Variants in RBFOX1 observed in about 807,000 individuals in gnomAD.
The protein encoded by RBFOX1 is RNA binding protein fox-1 homolog 1.
Under a neutral mutation model 57.7 loss-of-function variants are expected in RBFOX1, and 8 were observed. The observed-to-expected ratio is 0.14, with a 90% CI of 0.08 to 0.25. The LOEUF is 0.25. RBFOX1 is among the 10% of genes least tolerant of loss of function. The pLI, the probability that RBFOX1 is intolerant of heterozygous loss-of-function variation, is 1.00. For missense variants in RBFOX1, 611 were observed against 548.5 expected (o/e 1.11, Z -1.14); for synonymous variants, 326 against 222.4 (o/e 1.47, Z -4.15).
chr16:6,074,856 C>G (rs959565289), intron 1 of RBFOX1, among the ~76,000 whole-genome samples: 1 of 152,080 alleles, frequency 6.6e-6, no homozygotes, highest in South Asian at 2.1e-4. Context: ...ATTTCAGTGA[C>G]TCAGAAGGCT....
intron 3 of RBFOX1, among the ~76,000 whole-genome samples, chr16:5,861,811 T>C (rs1007753983): frequency 2.0e-5 from 3 of 152,226 alleles, no homozygotes; most frequent in African/African-American, 4.8e-5. Flanking sequence ...TGAACCCATC[T>C]TCTTAGACGC....
intron 1 of RBFOX1, among the ~76,000 whole-genome samples, chr16:5,358,768 G>A (rs1181145240): frequency 1.3e-5 from 2 of 152,278 alleles, no homozygotes; most frequent in East Asian, 1.9e-4. Context: ...CAAAGGTTGC[G>A]GTGAGCCGAG....
chr16:7,517,486 C>T (rs555882124), intron 4 of RBFOX1, among the ~76,000 whole-genome samples: 33 of 151,810 alleles, frequency 2.2e-4, no homozygotes, highest in African/African-American at 7.5e-4. Context: ...CCAAATTAGG[C>T]CCTGAATTTG....
intron 1 of RBFOX1, among the ~76,000 whole-genome samples, chr16:5,271,525 G>A (rs1180477854): frequency 6.6e-6 from 1 of 152,244 alleles, no homozygotes; most frequent in Non-Finnish European, 1.5e-5. Context: ...TCTGTCCTGA[G>A]ATGTAGAGGT....
At chr16:5,690,516 A>C (rs2050641620) in intron 3 of RBFOX1, among the ~76,000 whole-genome samples, 1 of 152,078 alleles carries the variant, frequency 6.6e-6, no homozygotes, top group South Asian at 2.1e-4. Context: ...GGCATGATGG[A>C]GGCACTCAGT....
chr16:6,945,720 G>A (rs188465824), intron 3 of RBFOX1, among the ~76,000 whole-genome samples: 4 of 152,194 alleles, frequency 2.6e-5, no homozygotes, highest in Non-Finnish European at 2.9e-5. Context: ...GTGAAAACCC[G>A]TCTCTACTAA....
chr16:5,662,077 C>T (rs1374678281), intron 3 of RBFOX1, among the ~76,000 whole-genome samples: 3 of 152,136 alleles, frequency 2.0e-5, no homozygotes, highest in Non-Finnish European at 4.4e-5. Flanking sequence ...TGAGCTACCG[C>T]GCCCGGCCAA....
chr16:5,841,728 A>G (rs1217489260), intron 3 of RBFOX1, among the ~76,000 whole-genome samples: 1 of 152,216 alleles, frequency 6.6e-6, no homozygotes, highest in Non-Finnish European at 1.5e-5. Context: ...GTAGAGGCCC[A>G]GTGCTCTGTC....
intron 4 of RBFOX1, among the ~76,000 whole-genome samples, chr16:7,191,563 A>G (rs561342529): frequency 5.9e-5 from 9 of 152,350 alleles, no homozygotes; most frequent in Non-Finnish European, 8.8e-5. Context: ...GTTATTTTAC[A>G]TATCATCTTC....
At chr16:7,540,438 A>T (rs531652484) in intron 5 of RBFOX1, among the ~76,000 whole-genome samples, 4 of 152,104 alleles carry the variant, frequency 2.6e-5, no homozygotes, top group African/African-American at 9.7e-5. Flanking sequence ...TAACACAACT[A>T]CTCTGTGTTA....
intron 2 of RBFOX1, among the ~76,000 whole-genome samples, chr16:6,625,445 C>A (rs1028639557): frequency 6.6e-6 from 1 of 152,112 alleles, no homozygotes; most frequent in Non-Finnish European, 1.5e-5. Flanking sequence ...GTAGCTAAAT[C>A]CTCAGTTGTG....
intron 1 of RBFOX1, among the ~76,000 whole-genome samples, chr16:6,079,633 A>G (rs182987646): frequency 3.2e-4 from 49 of 151,216 alleles, no homozygotes; most frequent in Middle Eastern, 6.8e-3. Flanking sequence ...ACAGGAGTTC[A>G]AGACCAGCCT....
At chr16:6,385,600 T>G (rs2092207728) in intron 2 of RBFOX1, among the ~76,000 whole-genome samples, 1 of 152,224 alleles carries the variant, frequency 6.6e-6, no homozygotes, top group South Asian at 2.1e-4. Flanking sequence ...CCTTAAGTGA[T>G]CCACCTGCCT....
intron 3 of RBFOX1, among the ~76,000 whole-genome samples, chr16:6,670,954 C>T (rs547107192): frequency 1.9e-4 from 29 of 152,170 alleles, no homozygotes; most frequent in African/African-American, 7.0e-4. Context: ...GAGCCGAGAT[C>T]GTGCCACTGC....
At chr16:5,905,431 G>T (rs879609972) in intron 4 of RBFOX1, among the ~76,000 whole-genome samples, 1 of 152,122 alleles carries the variant, frequency 6.6e-6, no homozygotes, top group South Asian at 2.1e-4. Flanking sequence ...CACACAGAAG[G>T]CCAGGCGCAG....
intron 3 of RBFOX1, among the ~76,000 whole-genome samples, chr16:6,787,088 G>T (rs1404109348): frequency 6.6e-6 from 1 of 152,126 alleles, no homozygotes; most frequent in East Asian, 1.9e-4. Context: ...ATCCCTCATA[G>T]ATTGTACCTT....
At chr16:5,346,119 T>C (rs1167698688) in intron 1 of RBFOX1, among the ~76,000 whole-genome samples, 5 of 152,172 alleles carry the variant, frequency 3.3e-5, no homozygotes, top group Non-Finnish European at 7.3e-5. Context: ...CAGAGAAGTA[T>C]GGCAGCCTGC....
intron 3 of RBFOX1, among the ~76,000 whole-genome samples, chr16:6,709,048 G>A (rs748058533): frequency 3.3e-5 from 5 of 151,782 alleles, no homozygotes; most frequent in Non-Finnish European, 7.4e-5. Flanking sequence ...CCCCAGGTGA[G>A]CAATAATTCC....
At chr16:7,391,734 C>T (rs1179422367) in intron 4 of RBFOX1, among the ~76,000 whole-genome samples, 1 of 152,180 alleles carries the variant, frequency 6.6e-6, no homozygotes. Flanking sequence ...TCTTCCTACG[C>T]ATCCTCAGCA....
Sources: allele counts gnomAD v4.1 joint callset (sites outside exome capture counted in the v4.1 genomes callset), GRCh38; gene constraint gnomAD v4.1.1; transcripts MANE v1.5; gene names NCBI Gene and HGNC (gene_info 2026-07-23, HGNC 2026-07-21).